FBXL13: variants seen among roughly 807,000 people sequenced by gnomAD.
The protein encoded by FBXL13 is F-box and leucine-rich repeat protein 13.
Under a neutral mutation model 83.6 loss-of-function variants are expected in FBXL13, and 67 were observed. The observed-to-expected ratio is 0.80, with a 90% confidence interval of 0.66 to 0.98. The LOEUF (loss-of-function observed/expected upper bound fraction) is 0.98. FBXL13 is among the 50% of genes least tolerant of loss of function. The pLI is 0.00. For synonymous variants in FBXL13, 272 were observed against 299.5 expected, an observed-to-expected ratio of 0.91 and a Z score of 0.95; for missense variants, 822 against 866.5, an observed-to-expected ratio of 0.95 and a Z score of 0.64.
In FBXL13 at chr7:102,953,004, C is replaced by CA. The variant is rs1441596311; in HGVS notation, c.724+10528dup. Among the ~76,000 whole-genome samples the CA allele has an allele frequency of 3.6e-3, 542 of 151,988 alleles. 5 individuals carry two copies. Among genetic ancestry groups the CA allele is most frequent in the African/African-American group, 0.013 (535 of 41,428 alleles). On this transcript the variant is annotated intron_variant, in intron 8 of 19. Transcript: ENST00000313221. ...ATCTCAAAACAAACAAACAAACAAA[C>CA]AAACAAAAAAACCCTCCAACAGAGA...
chr7:102,867,668 C>CATATATAT (rs200661242), intron 16 of FBXL13, among the ~76,000 whole-genome samples: 46 of 72,626 alleles, frequency 6.3e-4, no homozygotes, highest in East Asian at 4.2e-3. Flanking sequence ...TAGACTTAGA[C>CATATATAT]ATATATATAT....
At chr7:102,878,255 C>G (rs1017346067) in intron 15 of FBXL13, 76 bp downstream of exon 16, 52 of 1,305,424 alleles carry the variant, frequency 4.0e-5, no homozygotes, top group Non-Finnish European at 5.0e-5. Flanking sequence ...GAAATCTTTG[C>G]TTTTAGGTGT....
intron 18 of FBXL13, among the ~76,000 whole-genome samples, chr7:102,826,530 G>A (rs58919995): frequency 0.18 from 27,327 of 150,752 alleles, 2,789 homozygotes; most frequent in East Asian, 0.43. Flanking sequence ...GAGCCCAGGA[G>A]TTTGAAATCA....
intron 16 of FBXL13, chr7:102,874,514 A>G (rs1808959140): frequency 3.6e-6 from 1 of 274,154 alleles, no homozygotes. Flanking sequence ...TCAGAAGAAA[A>G]TAAAAACAGA....
intron 2 of FBXL13, among the ~76,000 whole-genome samples, chr7:103,033,321 C>G (rs1794714610): frequency 1.3e-5 from 2 of 152,216 alleles, no homozygotes; most frequent in South Asian, 4.1e-4. Context: ...TCCAAAAGAA[C>G]TGCTCCTATG....
intron 2 of FBXL13, among the ~76,000 whole-genome samples, chr7:103,042,419 A>G (rs533509029): frequency 3.3e-5 from 5 of 152,332 alleles, no homozygotes; most frequent in South Asian, 2.1e-4. Flanking sequence ...TATAGATTCA[A>G]TGCTATCCCC....
intron 17 of FBXL13, among the ~76,000 whole-genome samples, chr7:102,854,337 C>T (rs1260643852): frequency 6.7e-6 from 1 of 149,742 alleles, no homozygotes; most frequent in Non-Finnish European, 1.5e-5. Flanking sequence ...CACATGGACA[C>T]AGGAAGGGGA....
intron 19 of FBXL13, among the ~76,000 whole-genome samples, chr7:102,814,937 C>T (rs1400383607): frequency 1.3e-5 from 2 of 152,128 alleles, no homozygotes; most frequent in Admixed American, 6.5e-5. Context: ...GCTTTTCCCA[C>T]ATTATTCTCC....
chr7:103,007,905 G>C (rs1206168340), intron 6 of FBXL13, among the ~76,000 whole-genome samples: 3 of 152,122 alleles, frequency 2.0e-5, no homozygotes, highest in Non-Finnish European at 4.4e-5. Context: ...AGGGTTTCGA[G>C]CTCAAGAAGG....
In FBXL13 at chr7:103,034,763, C is replaced by T. The variant is rs184162962; in HGVS notation, c.1-5345G>A. On this transcript the variant is annotated intron_variant, in intron 2 of 19. Transcript: ENST00000313221. ...GAGGGCTGCCAGCACACTGTCACCT[C>T]TCAGCATGTCCCCCACTACTGTACA... Among the ~76,000 whole-genome samples, 67 of 152,364 alleles carry T rather than the reference C, an allele frequency of 4.4e-4. No homozygotes were observed. In the Middle Eastern group the frequency reaches 0.01, roughly 23 times the overall value.
chr7:102,875,932 A>G (rs1809182820), intron 16 of FBXL13, among the ~76,000 whole-genome samples: 1 of 152,042 alleles, frequency 6.6e-6, no homozygotes, highest in South Asian at 2.1e-4. Flanking sequence ...GTAGAGGAAA[A>G]CCCTGGAATG....
At chr7:102,961,179 T>G (rs879813532) in intron 8 of FBXL13, among the ~76,000 whole-genome samples, 20 of 150,996 alleles carry the variant, frequency 1.3e-4, no homozygotes, top group South Asian at 2.1e-4. Flanking sequence ...CAAGCATTCT[T>G]ATACACCAAC....
At chr7:102,896,809 C>T (rs181923274) in intron 11 of FBXL13, among the ~76,000 whole-genome samples, 6 of 152,232 alleles carry the variant, frequency 3.9e-5, no homozygotes, top group African/African-American at 1.2e-4. Flanking sequence ...CTGCAATTAC[C>T]CTATTTCCAA....
chr7:102,825,732 G>T (rs1799513135), intron 18 of FBXL13, among the ~76,000 whole-genome samples: 1 of 152,184 alleles, frequency 6.6e-6, no homozygotes, highest in Admixed American at 6.5e-5. Flanking sequence ...GTGCAATTTG[G>T]TAGGTAATAA....
chr7:103,028,532 A>C, intron 4 of FBXL13, 68 bp downstream of exon 5: 1 of 1,157,020 alleles, frequency 8.6e-7, no homozygotes, highest in Non-Finnish European at 1.2e-6. Context: ...AAGTATGCTT[A>C]ACTGTTAGTT....
At chr7:102,921,106 C>A (rs1050833542) in intron 10 of FBXL13, among the ~76,000 whole-genome samples, 3 of 152,088 alleles carry the variant, frequency 2.0e-5, no homozygotes, top group Admixed American at 2.0e-4. Context: ...GAGCCGAGAT[C>A]ACTTCATTGC....
rs536737910 is a variant in FBXL13 at position 102,841,153 on chromosome 7, T to C, written c.1720-8179A>G. 1.4e-4 allele frequency among the ~76,000 whole-genome samples: 21 copies of C among 151,966 alleles called. No individual in the cohort carries two copies. The South Asian group carries it at 3.7e-3, about 27-fold the overall frequency. The stretch of plus-strand genomic sequence containing the variant: ...ACATAGAAGAGGGATCAAAAACATA[T>C]CAAAAACCTAAACATAGGTTTAAAA... On this transcript the variant is annotated intron_variant, in intron 17 of 19. Transcript: ENST00000313221.
intron 6 of FBXL13, among the ~76,000 whole-genome samples, chr7:102,975,403 G>T (rs1254587638): frequency 1.3e-5 from 2 of 152,106 alleles, no homozygotes; most frequent in African/African-American, 4.8e-5. Context: ...CCTAACTCAG[G>T]TACATGCTGA....
intron 1 of FBXL13, among the ~76,000 whole-genome samples, chr7:103,059,691 G>A (rs910217255): frequency 9.2e-5 from 14 of 152,032 alleles, no homozygotes; most frequent in African/African-American, 2.9e-4. Context: ...CCTACACTCA[G>A]TTCCCAATAT....
Sources: allele counts gnomAD v4.1 joint callset (sites outside exome capture counted in the v4.1 genomes callset), GRCh38; gene constraint gnomAD v4.1.1; transcripts MANE v1.5; gene names NCBI Gene and HGNC (gene_info 2026-07-23, HGNC 2026-07-21).